Variants in SRRT observed in about 807,000 individuals in gnomAD.
SRRT encodes the protein serrate, RNA effector molecule, also known as serrate RNA effector molecule homolog.
SRRT carries 32 observed loss-of-function variants against 103.2 expected under a neutral mutation model. The observed-to-expected ratio is 0.31, with a 90% CI of 0.23 to 0.42. The LOEUF is 0.42. Among genes scored for constraint, SRRT ranks in the 10% least tolerant of loss-of-function variants. The probability of loss-of-function intolerance (pLI) is 1.00; values close to 1 mark genes in which losing one functional copy is unlikely to be tolerated. For synonymous variants in SRRT, 525 were observed against 449.0 expected, an observed-to-expected ratio of 1.17 and a Z score of -2.14; for missense variants, 986 against 1,207.5, an observed-to-expected ratio of 0.82 and a Z score of 2.72.
In SRRT at chr7:100,888,243, G is replaced by C. The variant is rs1790369541; in HGVS notation, c.2429-14G>C. 1 of 1,605,568 alleles carries C rather than the reference G, an allele frequency of 6.2e-7. No homozygotes were observed. ...GGACATAGTTTTGCAACTCAACACT[G>C]ATCTCTGTCATAGCTGGTGCTGTCC... On this transcript the variant is annotated splice_polypyrimidine_tract_variant and intron_variant, in intron 18 of 19. Coordinates refer to ENST00000611405, the MANE Select transcript of SRRT (RefSeq NM_015908.6).
rs750303602 is a variant in SRRT, at chr7:100,885,068, C to T, written c.1159+28C>T. 34 of 1,612,934 alleles carry T rather than the reference C, an allele frequency of 2.1e-5. No homozygotes were observed. The African/African-American group carries it at 2.3e-4, about 11-fold the overall frequency. On this transcript the variant is annotated intron_variant, in intron 9 of 19. Transcript: ENST00000611405. This position sits in a 1 kb window ranked among gnomAD's most constrained non-coding sequence, Gnocchi z 4.8. ...AGGGTTTCTTTTCTGCTTTAAAGTG[C>T]GTTCTCCTAATGCGGGTGGGGAGGT...
intron 2 of SRRT, among the ~76,000 whole-genome samples, chr7:100,878,626 T>C (rs2115735332): frequency 6.6e-6 from 1 of 151,662 alleles, no homozygotes; most frequent in Admixed American, 6.6e-5. Flanking sequence ...GAATTTTGGG[T>C]AGTATCCAAA....
At chr7:100,877,419 CAAAAAA>C (rs869150232) in intron 2 of SRRT, among the ~76,000 whole-genome samples, 4 of 69,050 alleles carry the variant, frequency 5.8e-5, no homozygotes, top group Admixed American at 1.8e-4. Context: ...GACTCTGTCT[CAAAAAA>C]AAAAAAAAAA....
At position 100,882,042 on chromosome 7, in the gene SRRT, G is replaced by A; in HGVS notation, c.399-11G>A. 1 of 1,608,066 alleles carries A rather than the reference G, an allele frequency of 6.2e-7. No homozygotes were observed. The highest frequency in any genetic ancestry group is 8.5e-7 in the Non-Finnish European group (1 of 1,177,376). On this transcript the variant is annotated splice_polypyrimidine_tract_variant and intron_variant, in intron 4 of 19. Transcript: ENST00000611405. The surrounding 1 kb of genome is among the most constrained non-coding windows in gnomAD (Gnocchi z 4.2). ...CAAAAACCAAGCCTTCCTGACCGGG[G>A]TCCCCTCCAGGCTGGGCAGCATTGC...
In SRRT at chr7:100,887,983, C is replaced by G; in HGVS notation, c.2327-59C>G. On this transcript the variant is annotated intron_variant, in intron 17 of 19. Coordinates refer to ENST00000611405, the MANE Select transcript of SRRT (RefSeq NM_015908.6). This position sits in a 1 kb window ranked among gnomAD's most constrained non-coding sequence, Gnocchi z 4.1. ...ATCCTCAGGCCATAGCCCTAGAAGT[C>G]AATTGTACCCGTATCCCCCTCCCCG... 6.6e-7 allele frequency: 1 copy of G among 1,526,384 alleles called. No individual in the cohort carries two copies. The highest frequency in any genetic ancestry group is 8.8e-7 in the Non-Finnish European group (1 of 1,137,502). 94.6% of individuals were successfully genotyped at this position (1,526,384 alleles called of 1,614,324 possible). A position where few individuals can be genotyped will look rare whatever the true frequency, so the allele number is the denominator to read the frequency against.
intron 2 of SRRT, among the ~76,000 whole-genome samples, chr7:100,877,043 C>T (rs955396076): frequency 3.3e-5 from 5 of 152,006 alleles, no homozygotes; most frequent in African/African-American, 1.2e-4. Context: ...CATATTATTG[C>T]CATTTCCACT....
intron 2 of SRRT, among the ~76,000 whole-genome samples, chr7:100,876,353 T>C (rs769974281): frequency 2.0e-5 from 3 of 152,270 alleles, no homozygotes; most frequent in Middle Eastern, 3.4e-3. Context: ...GGTTTCACCA[T>C]GTTGGCTAGG....
chr7:100,887,250 C>T lies in SRRT; in HGVS notation c.1975+50C>T, dbSNP rs374253062. The T allele has an allele frequency of 4.7e-5, 75 of 1,611,758 alleles. No homozygotes were observed. Among genetic ancestry groups the T allele is most frequent in the Non-Finnish European group, 6.3e-5 (74 of 1,178,346 alleles). On this transcript the variant is annotated intron_variant, in intron 15 of 19. Coordinates refer to ENST00000611405, the MANE Select transcript of SRRT (RefSeq NM_015908.6). The surrounding 1 kb of genome is among the most constrained non-coding windows in gnomAD (Gnocchi z 4.1). ...CCCGGCTGCCCCTGGCCTTGGTCCT[C>T]CAGCCCCTTGCCACCATCCTTCCTT...
intron 3 of SRRT, 99 bp from the exon 4 acceptor site, chr7:100,881,560 T>C: frequency 6.3e-7 from 1 of 1,579,540 alleles, no homozygotes; most frequent in Non-Finnish European, 8.6e-7. Context: ...GAAACCCTTG[T>C]CTGGGAGACC....
chr7:100,880,053 C>T (rs1050222431), intron 2 of SRRT, among the ~76,000 whole-genome samples: 6 of 152,118 alleles, frequency 3.9e-5, no homozygotes, highest in African/African-American at 9.7e-5. Flanking sequence ...CAGAAGCAGG[C>T]GGGCAGCCAG....
chr7:100,887,925 CTT>C lies in SRRT; in HGVS notation c.2326+68_2326+69del. ...TGACTACCCAGGGACTCCTGTTTCT[CTT>C]TAACGTGTCACCCCGAGAAGTTTCT... On this transcript the variant is annotated intron_variant, in intron 17 of 19. Transcript: ENST00000611405. This position sits in a 1 kb window ranked among gnomAD's most constrained non-coding sequence, Gnocchi z 4.1. 1.9e-6 allele frequency: 3 copies of C among 1,557,342 alleles called. No individual in the cohort carries two copies. The highest frequency in any genetic ancestry group is 2.3e-5 in the South Asian group (2 of 85,142).
chr7:100,886,456 C>G, intron 13 of SRRT, 21 bp downstream of exon 13: 1 of 1,597,116 alleles, frequency 6.3e-7, no homozygotes, highest in South Asian at 1.1e-5. Context: ...CCCCAAAGGA[C>G]TTTGTCAGAA....
At position 100,878,441 on chromosome 7, in the gene SRRT, A is replaced by T. The variant is rs559445720; in HGVS notation, c.122+2729A>T. Among the ~76,000 whole-genome samples the T allele has an allele frequency of 3.7e-4, 57 of 152,336 alleles. No individual in the cohort carries two copies. The South Asian group carries it at 8.5e-3, about 23-fold the overall frequency. The stretch of plus-strand genomic sequence containing the variant: ...TGAGTACATTTTGATATTGGGTGAG[A>T]CATAATCCAGGTCCATTGAAAGGGA... On this transcript the variant is annotated intron_variant, in intron 2 of 19. Transcript: ENST00000611405.
At chr7:100,881,466 C>T (rs1213044560) in intron 3 of SRRT, 53 bp downstream of exon 3, 1 of 1,590,442 alleles carries the variant, frequency 6.3e-7, no homozygotes. Flanking sequence ...CCACCTGGGC[C>T]TCCCCTTTCT....
chr7:100,885,110 T>C lies in SRRT; in HGVS notation c.1159+70T>C. On this transcript the variant is annotated intron_variant, in intron 9 of 19. Coordinates refer to ENST00000611405, the MANE Select transcript of SRRT (RefSeq NM_015908.6). This position sits in a 1 kb window ranked among gnomAD's most constrained non-coding sequence, Gnocchi z 4.8. The stretch of plus-strand genomic sequence containing the variant: ...TGGGGAGGTGAGAGGTTGGCGACAT[T>C]GACGGGAGGGTGGGTGGCTTTTAGG... 1 of 1,604,412 alleles carries C rather than the reference T, an allele frequency of 6.2e-7. No homozygotes were observed. Among genetic ancestry groups the C allele is most frequent in the Non-Finnish European group, 8.5e-7 (1 of 1,174,094 alleles).
chr7:100,875,462 C>T, intron 1 of SRRT, 111 bp from the exon 2 acceptor site: 5 of 1,546,506 alleles, frequency 3.2e-6, no homozygotes, highest in Non-Finnish European at 4.4e-6. Flanking sequence ...TGGTGGGGGC[C>T]GCGGAGGGCT....
rs2115905379 is a variant in SRRT, at chr7:100,887,629, A to T, written c.2170-74A>T. Reference sequence around the variant, plus strand: ...CTGCACTGGCAGGCGGGAGCTGGGAATCCTTCCAGCTCGGGCCTGGGAGCG... The same window carrying T: ...CTGCACTGGCAGGCGGGAGCTGGGATTCCTTCCAGCTCGGGCCTGGGAGCG... On this transcript the variant is annotated intron_variant, in intron 16 of 19. Coordinates refer to ENST00000611405, the MANE Select transcript of SRRT (RefSeq NM_015908.6). This position sits in a 1 kb window ranked among gnomAD's most constrained non-coding sequence, Gnocchi z 4.1. 6.3e-7 allele frequency: 1 copy of T among 1,576,976 alleles called. No individual in the cohort carries two copies. Among genetic ancestry groups the T allele is most frequent in the Middle Eastern group, 1.7e-4 (1 of 5,824 alleles).
At position 100,881,889 on chromosome 7, in the gene SRRT, C is replaced by T. The variant is rs114082767; in HGVS notation, c.398+84C>T. 2.9e-3 allele frequency: 4,447 copies of T among 1,510,100 alleles called. 120 individuals carry two copies. In the African/African-American group the frequency reaches 0.055, roughly 19 times the overall value. 93.5% of individuals were successfully genotyped at this position (1,510,100 alleles called of 1,614,324 possible). On this transcript the variant is annotated intron_variant, in intron 4 of 19. Transcript: ENST00000611405. The stretch of plus-strand genomic sequence containing the variant: ...GAAGGCCATGGCTGAAGCCAGGGAG[C>T]GGGTCAGGCACACAGAGGCATGTCC...
chr7:100,875,539 T>A (rs1815591477), intron 1 of SRRT, 34 bp from the exon 2 acceptor site: 1 of 1,608,874 alleles, frequency 6.2e-7, no homozygotes, highest in Non-Finnish European at 8.5e-7. Context: ...CTCGTCCTTT[T>A]GCACCACTCC....
Sources: allele counts gnomAD v4.1 joint callset (sites outside exome capture counted in the v4.1 genomes callset), GRCh38; gene constraint gnomAD v4.1.1; non-coding constraint Gnocchi (gnomAD v3.1); transcripts MANE v1.5; gene names NCBI Gene and HGNC (gene_info 2026-07-23, HGNC 2026-07-21).